Variants in MGMT observed in about 807,000 individuals in gnomAD.
MGMT encodes methylated-DNA--protein-cysteine methyltransferase.
A neutral mutation model predicts 15.9 loss-of-function variants in MGMT; 14 were observed. That is an observed-to-expected ratio of 0.88 (90% CI 0.58 to 1.37). The LOEUF is 1.37. Among genes scored for constraint, MGMT ranks in the 40% most tolerant of loss-of-function variants. The probability of loss-of-function intolerance (pLI) is 0.00; values close to 1 mark genes in which losing one functional copy is unlikely to be tolerated. For missense variants in MGMT, 282 were observed against 268.1 expected, an observed-to-expected ratio of 1.05 and a Z score of -0.36; for synonymous variants, 130 against 118.2, an observed-to-expected ratio of 1.10 and a Z score of -0.65.
intron 1 of MGMT, among the ~76,000 whole-genome samples, chr10:129,487,978 TATACACACACACACACACATAGGTATAC>T (rs1400269784): frequency 9.0e-4 from 11 of 12,228 alleles, no homozygotes; most frequent in African/African-American, 2.7e-3. Context: ...TATACGCAGG[TATACACACACACACACACATAGGTATAC>T]ACACACACAC....
At chr10:129,758,357 C>T (rs985634041) in intron 3 of MGMT, among the ~76,000 whole-genome samples, 3 of 152,104 alleles carry the variant, frequency 2.0e-5, no homozygotes, top group Non-Finnish European at 4.4e-5. Flanking sequence ...GGAGCCCCTG[C>T]GATGGAGGAC....
chr10:129,602,639 A>C (rs1182508556), intron 2 of MGMT, among the ~76,000 whole-genome samples: 2 of 152,154 alleles, frequency 1.3e-5, no homozygotes, highest in African/African-American at 4.8e-5. Flanking sequence ...GAAGCACAAG[A>C]TACATGGGAG....
intron 3 of MGMT, among the ~76,000 whole-genome samples, chr10:129,737,304 T>A (rs1280251998): frequency 6.6e-6 from 1 of 152,230 alleles, no homozygotes; most frequent in Non-Finnish European, 1.5e-5. Context: ...TTCATTCATT[T>A]CATCTTCCAT....
chr10:129,467,540 G>A (rs1456143691), intron 1 of MGMT: 3 of 667,994 alleles, frequency 4.5e-6, no homozygotes, highest in Admixed American at 6.3e-5. Context: ...GGCGTGTGGC[G>A]GGGGTCGTGG....
intron 2 of MGMT, among the ~76,000 whole-genome samples, chr10:129,577,536 C>G (rs1846499237): frequency 6.6e-6 from 1 of 152,082 alleles, no homozygotes; most frequent in Admixed American, 6.5e-5. Context: ...AAAATTAATT[C>G]AAGATGGATT....
At chr10:129,678,021 C>G (rs1285933610) in intron 2 of MGMT, among the ~76,000 whole-genome samples, 1 of 152,212 alleles carries the variant, frequency 6.6e-6, no homozygotes, top group African/African-American at 2.4e-5. Flanking sequence ...ATGCCGAGTC[C>G]ACAGTAACTC....
chr10:129,722,502 A>G (rs978824456), intron 3 of MGMT, among the ~76,000 whole-genome samples: 2 of 152,226 alleles, frequency 1.3e-5, no homozygotes, highest in Admixed American at 1.3e-4. Context: ...TTCAAAATGC[A>G]AAGAGCCTAG....
intron 1 of MGMT, among the ~76,000 whole-genome samples, chr10:129,511,870 C>A (rs183272152): frequency 1.0e-3 from 152 of 152,320 alleles, no homozygotes; most frequent in Non-Finnish European, 1.7e-3. Context: ...CCGCATTGCA[C>A]AAGCTCCCAG....
chr10:129,659,454 C>T lies in MGMT; in HGVS notation c.126-48441C>T, dbSNP rs1201036293. On this transcript the variant is annotated intron_variant, in intron 2 of 4. Transcript: ENST00000651593. The surrounding 1 kb of genome is among the most constrained non-coding windows in gnomAD (Gnocchi z 4.1). ...AGATAGAACAGATCCTGCCTCTATC[C>T]ACGGCGTAAGGGAGTTAGCTTCATG... 2.6e-5 allele frequency among the ~76,000 whole-genome samples: 4 copies of T among 152,078 alleles called. No individual in the cohort carries two copies. The highest frequency in any genetic ancestry group is 7.2e-5 in the African/African-American group (3 of 41,410).
chr10:129,550,566 C>T (rs1589861918), intron 2 of MGMT, among the ~76,000 whole-genome samples: 1 of 152,094 alleles, frequency 6.6e-6, no homozygotes, highest in Admixed American at 6.5e-5. Flanking sequence ...CGCGCCTCAG[C>T]CCCCCAAGTA....
At chr10:129,690,594 G>T (rs1847958531) in intron 2 of MGMT, among the ~76,000 whole-genome samples, 1 of 152,208 alleles carries the variant, frequency 6.6e-6, no homozygotes, top group African/African-American at 2.4e-5. Flanking sequence ...ACGCATGCTG[G>T]TCCTGAGGTG....
chr10:129,683,885 T>G (rs1847879036), intron 2 of MGMT, among the ~76,000 whole-genome samples: 1 of 152,220 alleles, frequency 6.6e-6, no homozygotes, highest in Admixed American at 6.5e-5. Context: ...GGGTCAACTT[T>G]GTGCTCAAAA....
In MGMT at chr10:129,569,148, G is replaced by C. The variant is rs114002371; in HGVS notation, c.125+32771G>C. On this transcript the variant is annotated intron_variant, in intron 2 of 4. Coordinates refer to ENST00000651593, the MANE Select transcript of MGMT (RefSeq NM_002412.5). ...GCAGGTTACCTCAGCTGTTGAACTC[G>C]TGAGCTGTGACTTCCTCCTCTGCTA... Among the ~76,000 whole-genome samples the C allele has an allele frequency of 2.4e-3, 358 of 152,300 alleles. 2 individuals carry two copies. The highest frequency in any genetic ancestry group is 8.3e-3 in the African/African-American group (344 of 41,576).
intron 2 of MGMT, among the ~76,000 whole-genome samples, chr10:129,662,615 A>T (rs937658976): frequency 5.3e-5 from 8 of 152,168 alleles, no homozygotes; most frequent in African/African-American, 1.9e-4. Flanking sequence ...CAGGGGGCTT[A>T]GCTGCTTCTG....
intron 3 of MGMT, among the ~76,000 whole-genome samples, chr10:129,724,367 G>A (rs1353843752): frequency 6.6e-6 from 1 of 152,192 alleles, no homozygotes; most frequent in Non-Finnish European, 1.5e-5. Context: ...AGTTAGAAGA[G>A]GAACTGCTTC....
chr10:129,488,498 C>G (rs945998678), intron 1 of MGMT, among the ~76,000 whole-genome samples: 3 of 151,958 alleles, frequency 2.0e-5, no homozygotes, highest in African/African-American at 4.8e-5. Context: ...TTGTCTTCTC[C>G]CAGTTTGTGG....
intron 2 of MGMT, among the ~76,000 whole-genome samples, chr10:129,672,192 A>G (rs1419378374): frequency 1.3e-5 from 2 of 152,202 alleles, no homozygotes; most frequent in Admixed American, 1.3e-4. Flanking sequence ...ATAGGGGTCT[A>G]GGTTTCCAGT....
At chr10:129,569,923 G>A (rs1245086618) in intron 2 of MGMT, among the ~76,000 whole-genome samples, 2 of 152,162 alleles carry the variant, frequency 1.3e-5, no homozygotes, top group Non-Finnish European at 2.9e-5. Context: ...TTTTCCTTTT[G>A]ATTTTATCAG....
chr10:129,592,318 C>T (rs924783481), intron 2 of MGMT, among the ~76,000 whole-genome samples: 1 of 152,228 alleles, frequency 6.6e-6, no homozygotes, highest in Non-Finnish European at 1.5e-5. Flanking sequence ...CTTGCACCTA[C>T]TGCCGTGAGC....
Sources: allele counts gnomAD v4.1 joint callset (sites outside exome capture counted in the v4.1 genomes callset), GRCh38; gene constraint gnomAD v4.1.1; non-coding constraint Gnocchi (gnomAD v3.1); transcripts MANE v1.5; gene names NCBI Gene and HGNC (gene_info 2026-07-23, HGNC 2026-07-21).